ZNF83: variants seen among roughly 807,000 people sequenced by gnomAD.
ZNF83 encodes the protein zinc finger protein 83.
For missense variants in ZNF83, 552 were observed against 629.9 expected, an observed-to-expected ratio of 0.88 and a Z score of 1.32; for synonymous variants, 209 against 213.0, an observed-to-expected ratio of 0.98 and a Z score of 0.17.
chr19:52,659,722 A>G (rs1221841943), intron 2 of ZNF83, among the ~76,000 whole-genome samples: 1 of 152,188 alleles, frequency 6.6e-6, no homozygotes, highest in Non-Finnish European at 1.5e-5. Flanking sequence ...TTCAGGATGC[A>G]AAAGAAACAA....
upstream of ZNF83, among the ~76,000 whole-genome samples, chr19:52,639,947 T>C (rs1445589838): frequency 2.0e-5 from 3 of 151,946 alleles, no homozygotes; most frequent in Non-Finnish European, 4.4e-5. Context: ...ACCCATTGAG[T>C]ACATGTTTTC....
At chr19:52,685,843 A>G (rs1190114917) in intron 1 of ZNF83, among the ~76,000 whole-genome samples, 1 of 151,644 alleles carries the variant, frequency 6.6e-6, no homozygotes, top group Non-Finnish European at 1.5e-5. Flanking sequence ...TGTTTCTGCA[A>G]GCTGAGATGG....
At chr19:52,679,406 T>A (rs1429073588) in intron 1 of ZNF83, among the ~76,000 whole-genome samples, 1 of 151,768 alleles carries the variant, frequency 6.6e-6, no homozygotes, top group African/African-American at 2.4e-5. Flanking sequence ...TGGTCAGGAG[T>A]TCAAGACAAG....
intron 1 of ZNF83, chr19:52,636,504 T>C (rs910571527): frequency 1.3e-5 from 2 of 152,198 alleles, no homozygotes; most frequent in African/African-American, 4.8e-5. Context: ...ATTCATAGAA[T>C]GTACATGTCT....
intron 1 of ZNF83, among the ~76,000 whole-genome samples, chr19:52,688,396 A>AT (rs2062084216): frequency 1.3e-5 from 2 of 150,434 alleles, no homozygotes; most frequent in Non-Finnish European, 3.0e-5. Flanking sequence ...CTGGTCTAGA[A>AT]CTCCTGGACT....
At chr19:52,613,209 A>AG in exon 3 of ZNF83, 2 of 1,614,096 alleles carry the variant, frequency 1.2e-6, no homozygotes, top group African/African-American at 1.3e-5. Flanking sequence ...GTTTCTCTCC[A>AG]GTGTGAATTT....
intron 1 of ZNF83, among the ~76,000 whole-genome samples, chr19:52,684,871 G>A (rs994989082): frequency 2.0e-5 from 3 of 152,206 alleles, no homozygotes; most frequent in Non-Finnish European, 2.9e-5. Flanking sequence ...ACTGGCAGGG[G>A]CCCTGGACAC....
chr19:52,623,362 C>T (rs1447172946), intron 2 of ZNF83, among the ~76,000 whole-genome samples: 1 of 152,194 alleles, frequency 6.6e-6, no homozygotes, highest in Admixed American at 6.5e-5. Context: ...TTTTCAAGGG[C>T]CTGTTTCCCT....
intron 3 of ZNF83, among the ~76,000 whole-genome samples, chr19:52,645,995 AG>A (rs370555345): frequency 2.5e-3 from 379 of 152,106 alleles, no homozygotes; most frequent in Non-Finnish European, 4.1e-3. Context: ...GCTGCAGGGC[AG>A]TGGCATGATT....
chr19:52,614,867 G>A (rs534007883), intron 2 of ZNF83, 70 bp from the exon 3 acceptor site: 6 of 1,178,576 alleles, frequency 5.1e-6, no homozygotes, highest in Non-Finnish European at 6.5e-6. Context: ...CTATTGAAAT[G>A]TGTAATAGTA....
At chr19:52,629,226 A>G (rs530466585) in intron 2 of ZNF83, among the ~76,000 whole-genome samples, 13 of 152,280 alleles carry the variant, frequency 8.5e-5, no homozygotes, top group African/African-American at 3.1e-4. Context: ...TGCAAGATCT[A>G]AATAATTCTT....
At chr19:52,658,531 C>T (rs2061537228) in intron 2 of ZNF83, among the ~76,000 whole-genome samples, 1 of 152,192 alleles carries the variant, frequency 6.6e-6, no homozygotes, top group South Asian at 2.1e-4. Flanking sequence ...CACCACTGCA[C>T]TCCAGCCTGG....
chr19:52,668,818 C>T (rs1004482482), intron 1 of ZNF83, among the ~76,000 whole-genome samples: 8 of 152,174 alleles, frequency 5.3e-5, no homozygotes, highest in Non-Finnish European at 8.8e-5. Context: ...TCCAGTAGAC[C>T]AGGTGTGGGC....
chr19:52,675,242 G>T (rs747399901), intron 1 of ZNF83, among the ~76,000 whole-genome samples: 5 of 152,204 alleles, frequency 3.3e-5, no homozygotes, highest in Non-Finnish European at 7.3e-5. Context: ...CAGGCCCACA[G>T]TGTTCATGTA....
At chr19:52,639,655 T>C (rs1332067247), upstream of ZNF83, among the ~76,000 whole-genome samples, 1 of 151,934 alleles carries the variant, frequency 6.6e-6, no homozygotes, top group Admixed American at 6.6e-5. Context: ...TGACTTCAAG[T>C]GATCTGACTG....
exon 3 of ZNF83, chr19:52,613,933 C>G (rs746933180): frequency 6.2e-7 from 1 of 1,613,408 alleles, no homozygotes; most frequent in South Asian, 1.1e-5. Flanking sequence ...GAAGACCTTT[C>G]CACATTCATT....
At chr19:52,683,803 AG>A (rs1481059451) in intron 1 of ZNF83, among the ~76,000 whole-genome samples, 2 of 152,192 alleles carry the variant, frequency 1.3e-5, no homozygotes, top group Admixed American at 6.5e-5. Context: ...CATTTGCCCC[AG>A]CCCCTCAGTC....
intron 2 of ZNF83, among the ~76,000 whole-genome samples, chr19:52,619,908 G>C (rs924636441): frequency 1.3e-5 from 2 of 151,974 alleles, no homozygotes; most frequent in African/African-American, 4.8e-5. Flanking sequence ...AATTTAGCTG[G>C]GCATGGTGGC....
At chr19:52,657,845 CT>C (rs966769444) in intron 2 of ZNF83, among the ~76,000 whole-genome samples, 18 of 148,350 alleles carry the variant, frequency 1.2e-4, no homozygotes, top group African/African-American at 4.5e-4. Context: ...AAAACTCTGT[CT>C]AAAAAAAAAA....
Sources: gnomAD v4.1 joint callset for allele counts (sites outside exome capture counted in the v4.1 genomes callset) on GRCh38, gnomAD v4.1.1 for gene constraint, MANE v1.5 for transcripts, NCBI Gene and HGNC (gene_info 2026-07-23, HGNC 2026-07-21) for gene names.